MTMR7: variants seen among roughly 807,000 people sequenced by gnomAD.
MTMR7 encodes phosphatidylinositol-3-phosphate phosphatase MTMR7.
MTMR7 carries 76 observed loss-of-function variants against 81.2 expected under a neutral mutation model. The ratio of observed to expected loss-of-function variants is 0.94; its 90% CI spans 0.78 to 1.13. The LOEUF (loss-of-function observed/expected upper bound fraction) is 1.13, where lower values mean the gene tolerates loss of function less well. MTMR7 is among the 50% of genes most tolerant of loss of function. MTMR7 has a pLI of 0.00. For missense variants in MTMR7, 1,044 were observed against 820.0 expected, an observed-to-expected ratio of 1.27 and a Z score of -3.34; for synonymous variants, 372 against 289.8, an observed-to-expected ratio of 1.28 and a Z score of -2.88.
At chr8:17,380,184 C>G (rs1820717041) in intron 1 of MTMR7, among the ~76,000 whole-genome samples, 1 of 152,156 alleles carries the variant, frequency 6.6e-6, no homozygotes, top group African/African-American at 2.4e-5. Context: ...AGAACTGGGG[C>G]ATTTCAAAGA....
chr8:17,389,540 C>A (rs900199511), intron 1 of MTMR7, among the ~76,000 whole-genome samples: 1 of 152,154 alleles, frequency 6.6e-6, no homozygotes, highest in Non-Finnish European at 1.5e-5. Context: ...TTTTGCCTAT[C>A]TTTGTAGCCT....
intron 7 of MTMR7, among the ~76,000 whole-genome samples, chr8:17,322,801 G>A (rs893283933): frequency 6.6e-6 from 1 of 151,394 alleles, no homozygotes; most frequent in Non-Finnish European, 1.5e-5. Context: ...CTTCAGCCTG[G>A]ACAACACAGG....
chr8:17,406,655 G>T (rs147814167), intron 1 of MTMR7, among the ~76,000 whole-genome samples: 166 of 152,236 alleles, frequency 1.1e-3, no homozygotes, highest in African/African-American at 3.6e-3. Flanking sequence ...TTCTATCCAA[G>T]AGAAATACAA....
rs140268560 is a variant in MTMR7 at position 17,400,084 on chromosome 8, T to C, written c.24+13185A>G. ...CCCTTTAAAAAATTCTTGAGAATTA[T>C]AGATGAAGTATGGTTTCTCATCAAT... On this transcript the variant is annotated intron_variant, in intron 1 of 13. Transcript: ENST00000180173. Among the ~76,000 whole-genome samples the C allele has an allele frequency of 5.6e-3, 847 of 152,244 alleles. 8 individuals are homozygous for C. Among genetic ancestry groups the C allele is most frequent in the South Asian group, 0.018 (87 of 4,826 alleles).
At chr8:17,379,980 AGTAATTAAGGAAGAGCTAG>A (rs1036996679) in intron 1 of MTMR7, among the ~76,000 whole-genome samples, 4 of 152,142 alleles carry the variant, frequency 2.6e-5, no homozygotes, top group Non-Finnish European at 5.9e-5. Context: ...AGGAGGGGAG[AGTAATTAAGGAAGAGCTAG>A]GTAATTAAGG....
At chr8:17,324,507 C>T (rs747728104) in intron 7 of MTMR7, among the ~76,000 whole-genome samples, 4 of 152,336 alleles carry the variant, frequency 2.6e-5, no homozygotes, top group East Asian at 3.9e-4. Flanking sequence ...TCTGCCTCTG[C>T]GCTTAGTGTT....
intron 1 of MTMR7, among the ~76,000 whole-genome samples, chr8:17,400,394 AT>A (rs1332365084): frequency 6.6e-6 from 1 of 152,174 alleles, no homozygotes; most frequent in East Asian, 1.9e-4. Flanking sequence ...AAAACCAGGC[AT>A]TGTGGCCCCA....
intron 1 of MTMR7, among the ~76,000 whole-genome samples, chr8:17,389,245 A>C (rs937443553): frequency 6.6e-6 from 1 of 152,132 alleles, no homozygotes; most frequent in Non-Finnish European, 1.5e-5. Context: ...TCTGATCACT[A>C]CTTGGTTTCT....
chr8:17,378,205 G>A (rs1301143259), intron 1 of MTMR7, among the ~76,000 whole-genome samples: 1 of 152,080 alleles, frequency 6.6e-6, no homozygotes, highest in Admixed American at 6.5e-5. Flanking sequence ...GCTGTCAAAA[G>A]TAATTTTGAA....
At chr8:17,406,874 T>A (rs78801489) in intron 1 of MTMR7, among the ~76,000 whole-genome samples, 4,672 of 152,176 alleles carry the variant, frequency 0.031, 235 homozygotes, top group African/African-American at 0.11. Context: ...AGGCCACATA[T>A]TGTATGATTA....
At chr8:17,304,278 A>C in intron 12 of MTMR7, 101 bp downstream of exon 12, 1 of 1,309,280 alleles carries the variant, frequency 7.6e-7, no homozygotes. Context: ...GTCCAATAAA[A>C]GCCTCAAAGA....
At chr8:17,349,367 T>G (rs1304367137) in intron 4 of MTMR7, 1 of 252,126 alleles carries the variant, frequency 4.0e-6, no homozygotes, top group Admixed American at 4.8e-5. Context: ...CAATGAAGCC[T>G]TCCTTTCATC....
At chr8:17,313,459 G>T in intron 7 of MTMR7, 58 bp from the exon 8 acceptor site, 1 of 1,133,136 alleles carries the variant, frequency 8.8e-7, no homozygotes, top group Non-Finnish European at 1.3e-6. Context: ...TTTTACATAT[G>T]ATCATGTTTT....
At chr8:17,326,204 AGTAAGTAG>A (rs1186126213) in intron 7 of MTMR7, 1 of 152,208 alleles carries the variant, frequency 6.6e-6, no homozygotes, top group Non-Finnish European at 1.5e-5. Context: ...CTGCACTCAC[AGTAAGTAG>A]GTAAAAATGG....
chr8:17,309,377 G>A, intron 9 of MTMR7, 51 bp from the exon 10 acceptor site: 1 of 1,220,642 alleles, frequency 8.2e-7, no homozygotes, highest in Non-Finnish European at 1.2e-6. Context: ...CGAAAAATAA[G>A]AGACCACACA....
At chr8:17,412,035 G>A (rs560910906) in intron 1 of MTMR7, among the ~76,000 whole-genome samples, 14 of 152,320 alleles carry the variant, frequency 9.2e-5, no homozygotes, top group Non-Finnish European at 1.9e-4. Context: ...CTATTCTGTG[G>A]TTTGTAGCAT....
chr8:17,329,762 T>G (rs1284550422), intron 7 of MTMR7, among the ~76,000 whole-genome samples: 1 of 152,244 alleles, frequency 6.6e-6, no homozygotes, highest in East Asian at 1.9e-4. Context: ...ACATAGTTTG[T>G]AGCAGGAACA....
At chr8:17,358,113 T>C (rs1819951391) in intron 4 of MTMR7, among the ~76,000 whole-genome samples, 1 of 152,100 alleles carries the variant, frequency 6.6e-6, no homozygotes, top group African/African-American at 2.4e-5. Flanking sequence ...ATATCACAGA[T>C]AGTATTTTAC....
At chr8:17,393,381 A>G (rs951255685) in intron 1 of MTMR7, among the ~76,000 whole-genome samples, 1 of 152,196 alleles carries the variant, frequency 6.6e-6, no homozygotes, top group Non-Finnish European at 1.5e-5. Flanking sequence ...AAATAGATAA[A>G]TTGTACTTCA....
Sources: allele counts gnomAD v4.1 joint callset (sites outside exome capture counted in the v4.1 genomes callset), GRCh38; gene constraint gnomAD v4.1.1; transcripts MANE v1.5; gene names NCBI Gene and HGNC (gene_info 2026-07-23, HGNC 2026-07-21).